Variants in NAA11 observed in about 807,000 individuals in gnomAD.
NAA11 encodes N-alpha-acetyltransferase 11.
NAA11 carries 15 observed loss-of-function variants against 16.1 expected under a neutral mutation model. That is an observed-to-expected ratio of 0.93 (90% CI 0.62 to 1.44). NAA11 has a LOEUF of 1.44. NAA11 is among the 40% of genes most tolerant of loss of function. The probability of loss-of-function intolerance (pLI) is 0.00; values close to 1 mark genes in which losing one functional copy is unlikely to be tolerated. For synonymous variants in NAA11, 122 were observed against 112.4 expected (o/e 1.09, Z -0.54); for missense variants, 298 against 291.3 (o/e 1.02, Z -0.17).
intron 1 of NAA11, among the ~76,000 whole-genome samples, chr4:79,323,095 A>AT (rs1724147805): frequency 6.6e-6 from 1 of 152,244 alleles, no homozygotes; most frequent in South Asian, 2.1e-4. Flanking sequence ...ATTTTTATGA[A>AT]TGAGTAGACT....
At chr4:79,209,163 C>G in the NAA11 span, among the ~76,000 whole-genome samples, 1 of 152,036 alleles carries the variant, frequency 6.6e-6, no homozygotes, top group Admixed American at 6.6e-5. Context: ...TCCTGAAATA[C>G]ATTTCACAAG....
chr4:79,264,371 C>T (rs1212512249), intron 2 of NAA11, among the ~76,000 whole-genome samples: 1 of 152,124 alleles, frequency 6.6e-6, no homozygotes, highest in Admixed American at 6.5e-5. Flanking sequence ...ACCGTCACTA[C>T]AAAAATAGGC....
the NAA11 span, among the ~76,000 whole-genome samples, chr4:79,192,075 G>A: frequency 6.6e-6 from 1 of 152,102 alleles, no homozygotes; most frequent in African/African-American, 2.4e-5. Context: ...TGCTGTTTTG[G>A]TTACTGTAGC....
At chr4:79,323,069 C>A (rs1436260722) in intron 1 of NAA11, among the ~76,000 whole-genome samples, 1 of 152,136 alleles carries the variant, frequency 6.6e-6, no homozygotes, top group Non-Finnish European at 1.5e-5. Flanking sequence ...AGCTCCAAGC[C>A]TAATGCCTGA....
At chr4:79,324,243 T>C (rs1724188394) in intron 1 of NAA11, among the ~76,000 whole-genome samples, 1 of 152,224 alleles carries the variant, frequency 6.6e-6, no homozygotes, top group Non-Finnish European at 1.5e-5. Flanking sequence ...TATTTCTGTA[T>C]GTATCTTTAA....
intron 2 of NAA11, among the ~76,000 whole-genome samples, chr4:79,265,934 T>A (rs1180802896): frequency 6.6e-6 from 1 of 152,174 alleles, no homozygotes; most frequent in Non-Finnish European, 1.5e-5. Context: ...ATTGTTTGTT[T>A]CTCCTGTTTA....
At chr4:79,311,016 T>G (rs1296861404) in intron 1 of NAA11, among the ~76,000 whole-genome samples, 1 of 147,930 alleles carries the variant, frequency 6.8e-6, no homozygotes, top group African/African-American at 2.5e-5. Flanking sequence ...CTATTTGACT[T>G]AAGACAGTGT....
chr4:79,200,774 TTCAC>T, the NAA11 span, among the ~76,000 whole-genome samples: 2 of 151,836 alleles, frequency 1.3e-5, no homozygotes, highest in African/African-American at 4.8e-5. Context: ...TTGCAAGCCT[TTCAC>T]TCATGCAACT....
At chr4:79,195,751 C>T in the NAA11 span, 1 of 152,188 alleles carries the variant, frequency 6.6e-6, no homozygotes, top group South Asian at 2.1e-4. Flanking sequence ...GGGGTGGTTA[C>T]ACCCATGCTG....
downstream of NAA11, among the ~76,000 whole-genome samples, chr4:79,312,728 G>A (rs13106961): frequency 0.41 from 61,674 of 150,228 alleles, 13,849 homozygotes; most frequent in East Asian, 0.77. Context: ...GGCCTCAAGA[G>A]ATCTTCCCAC....
At chr4:79,156,478 A>G in the NAA11 span, among the ~76,000 whole-genome samples, 3 of 152,196 alleles carry the variant, frequency 2.0e-5, no homozygotes, top group African/African-American at 7.2e-5. Context: ...AGACCCAGGA[A>G]GAGGGTCTTC....
At chr4:79,273,702 G>C (rs1366227576) in intron 2 of NAA11, among the ~76,000 whole-genome samples, 2 of 152,012 alleles carry the variant, frequency 1.3e-5, no homozygotes, top group African/African-American at 4.8e-5. Context: ...GGATGCTACT[G>C]AACTGCATAA....
the NAA11 span, among the ~76,000 whole-genome samples, chr4:79,187,232 A>C: frequency 1.3e-5 from 2 of 152,212 alleles, no homozygotes; most frequent in Non-Finnish European, 2.9e-5. Context: ...CATTTCTGAC[A>C]GCTGTAAAGT....
chr4:79,187,125 A>G, the NAA11 span, among the ~76,000 whole-genome samples: 1 of 152,164 alleles, frequency 6.6e-6, no homozygotes, highest in South Asian at 2.1e-4. Flanking sequence ...CAGCTTTTCA[A>G]ATAGGTTTGC....
chr4:79,252,551 T>A (rs1296769580), intron 2 of NAA11, among the ~76,000 whole-genome samples: 1 of 151,950 alleles, frequency 6.6e-6, no homozygotes, highest in Non-Finnish European at 1.5e-5. Flanking sequence ...AAAAACATGG[T>A]AATGGCATAG....
chr4:79,167,867 A>T, the NAA11 span, among the ~76,000 whole-genome samples: 1 of 151,872 alleles, frequency 6.6e-6, no homozygotes, highest in Non-Finnish European at 1.5e-5. Context: ...TACTCTTTAA[A>T]TTTTATTTAT....
At chr4:79,234,170 T>C (rs186819784) in intron 2 of NAA11, among the ~76,000 whole-genome samples, 15 of 152,270 alleles carry the variant, frequency 9.9e-5, no homozygotes, top group African/African-American at 3.1e-4. Flanking sequence ...TTCTTCAAAA[T>C]CTTCCCTGCC....
chr4:79,177,382 AC>A, the NAA11 span, among the ~76,000 whole-genome samples: 1 of 126,514 alleles, frequency 7.9e-6, no homozygotes, highest in African/African-American at 2.8e-5. Context: ...TGAGTGCAGA[AC>A]CCCCTCTCTT....
chr4:79,203,510 C>T, the NAA11 span, among the ~76,000 whole-genome samples: 1 of 151,644 alleles, frequency 6.6e-6, no homozygotes, highest in African/African-American at 2.4e-5. Context: ...AAGAAAGAAA[C>T]AAAATGAATT....
Sources: gnomAD v4.1 joint callset for allele counts (sites outside exome capture counted in the v4.1 genomes callset) on GRCh38, gnomAD v4.1.1 for gene constraint, MANE v1.5 for transcripts, NCBI Gene and HGNC (gene_info 2026-07-23, HGNC 2026-07-21) for gene names.